DSG3: variants seen among roughly 807,000 people sequenced by gnomAD.
DSG3 encodes desmoglein-3.
Under a neutral mutation model 85.9 loss-of-function variants are expected in DSG3, and 63 were observed. The observed-to-expected ratio is 0.73, with a 90% CI of 0.60 to 0.90. The LOEUF is 0.90. Among genes scored for constraint, DSG3 ranks in the 40% least tolerant of loss-of-function variants. DSG3 has a pLI of 0.00. For missense variants in DSG3, 1,220 were observed against 1,219.9 expected, an observed-to-expected ratio of 1.00 and a Z score of 0.00; for synonymous variants, 447 against 441.9, an observed-to-expected ratio of 1.01 and a Z score of -0.14.
chr18:31,458,239 G>A (rs568360091), intron 3 of DSG3, among the ~76,000 whole-genome samples: 16 of 152,218 alleles, frequency 1.1e-4, no homozygotes, highest in Admixed American at 9.2e-4. Context: ...AATGATTAGT[G>A]CACATCATTG....
intron 9 of DSG3, 95 bp from the exon 10 acceptor site, chr18:31,465,223 A>G (rs1325614192): frequency 1.2e-6 from 1 of 841,798 alleles, no homozygotes; most frequent in Non-Finnish European, 1.6e-6. Context: ...CATATATTAA[A>G]TATGAATATA....
intron 14 of DSG3, 79 bp from the exon 15 acceptor site, chr18:31,474,042 T>C: frequency 7.0e-7 from 1 of 1,423,228 alleles, no homozygotes; most frequent in Non-Finnish European, 9.6e-7. Flanking sequence ...TGACTGCTTA[T>C]AGACACCCAA....
At position 31,458,544 on chromosome 18, in the gene DSG3, A is replaced by G. The variant is rs200254801; in HGVS notation, c.316A>G (p.Thr106Ala). 80 of 1,613,992 alleles carry G rather than the reference A, an allele frequency of 5.0e-5. No homozygotes were observed. The highest frequency in any genetic ancestry group is 6.5e-5 in the Non-Finnish European group (77 of 1,179,980). Residue 106 changes from threonine (T) to alanine (A), a missense_variant, in exon 4 of 16, where the codon ACT (threonine) becomes GCT (alanine). Physicochemically the swap from Thr to Ala is moderately conservative, Grantham distance 58 (BLOSUM62 0). Transcript: ENST00000257189. ...PFGIFVVDKN[T>A]GDINITAIVD... Reference sequence around the variant, plus strand: ...TGGAATCTTTGTTGTTGACAAAAACACTGGAGATATTAACATAACAGCTAT... The same window carrying G: ...TGGAATCTTTGTTGTTGACAAAAACGCTGGAGATATTAACATAACAGCTAT...
At position 31,469,141 on chromosome 18, in the gene DSG3, C is replaced by T. The variant is rs760249697; in HGVS notation, c.1689C>T (p.His563=). ...AACAGATACCTCCTGGAGTATACCA[C>T]ATCTCCCTGGTACTTACAGACAGTC... ...AQEQIPPGVY[H]ISLVLTDSQN... The change falls in exon 12 of 16, where the codon CAC becomes CAT. Residue 563 remains histidine (H), a synonymous_variant. Coordinates refer to ENST00000257189, the MANE Select transcript of DSG3 (RefSeq NM_001944.3). The T allele has an allele frequency of 9.9e-6, 16 of 1,614,212 alleles. No individual in the cohort carries two copies. Among genetic ancestry groups the T allele is most frequent in the Non-Finnish European group, 1.3e-5 (15 of 1,180,046 alleles).
rs755575083 is a variant in DSG3, at chr18:31,475,699, G to A, written c.2439G>A (p.Leu813=). 3.7e-6 allele frequency: 6 copies of A among 1,614,198 alleles called. No individual in the cohort carries two copies. The highest frequency in any genetic ancestry group is 2.2e-5 in the East Asian group (1 of 44,886). The part of the protein sequence containing the change: ...EDDGQEANDC[L]LIYDNEGADA... Reference sequence around the variant, plus strand: ...ATGGCCAGGAAGCAAATGACTGCTTGTTGATCTATGATAATGAAGGCGCAG... The same window carrying A: ...ATGGCCAGGAAGCAAATGACTGCTTATTGATCTATGATAATGAAGGCGCAG... The change falls in exon 16 of 16, where the codon TTG becomes TTA. Residue 813 remains leucine (L), a synonymous_variant. Coordinates refer to ENST00000257189, the MANE Select transcript of DSG3 (RefSeq NM_001944.3).
At chr18:31,467,412 G>A (rs1268427574) in intron 11 of DSG3, among the ~76,000 whole-genome samples, 1 of 152,108 alleles carries the variant, frequency 6.6e-6, no homozygotes, top group Non-Finnish European at 1.5e-5. Context: ...ACATAAACTT[G>A]TTCTGATGGA....
In DSG3 at chr18:31,466,702, G is replaced by A; in HGVS notation, c.1584G>A (p.Leu528=). 6.2e-7 allele frequency: 1 copy of A among 1,614,176 alleles called. No homozygotes were observed. The change falls in exon 11 of 16, where the codon CTG becomes CTA. Residue 528 remains leucine, a synonymous_variant. Coordinates refer to ENST00000257189, the MANE Select transcript of DSG3 (RefSeq NM_001944.3). The stretch of plus-strand genomic sequence containing the variant: ...ACACTGGCCCCTATACATTTGCACT[G>A]GAAGATCAACCTGTAAAGTTGCCTG... ...NRYTGPYTFA[L]EDQPVKLPAV...
At position 31,460,813 on chromosome 18, in the gene DSG3, TA is replaced by T; in HGVS notation, c.685-19del. The T allele has an allele frequency of 6.4e-7, 1 of 1,562,158 alleles. No homozygotes were observed. Among genetic ancestry groups the T allele is most frequent in the African/African-American group, 1.4e-5 (1 of 70,982 alleles). The stretch of plus-strand genomic sequence containing the variant: ...TTCTTTGGGATTAATTATTTTTCTT[TA>T]TTTTTTATCCAAAATTAGCAAGCTA... On this transcript the variant is annotated intron_variant, in intron 6 of 15. Transcript: ENST00000257189.
At position 31,449,545 on chromosome 18, in the gene DSG3, A is replaced by T. The variant is rs1003721723; in HGVS notation, c.48+1620A>T. 4.6e-5 allele frequency among the ~76,000 whole-genome samples: 7 copies of T among 152,246 alleles called. No homozygotes were observed. The South Asian group carries it at 1.2e-3, about 27-fold the overall frequency. ...TCTGGAGTGACTGTGACATCCTTAT[A>T]TTGAGGCTAATTTTTATTTTTATAT... On this transcript the variant is annotated intron_variant, in intron 1 of 15. Coordinates refer to ENST00000257189, the MANE Select transcript of DSG3 (RefSeq NM_001944.3).
chr18:31,457,668 C>T (rs1466676075), intron 3 of DSG3, among the ~76,000 whole-genome samples: 1 of 148,932 alleles, frequency 6.7e-6, no homozygotes, highest in African/African-American at 2.5e-5. Context: ...CACTGTGCCT[C>T]CCAGGCTGGA....
chr18:31,456,979 C>T lies in DSG3; in HGVS notation c.85-14C>T, dbSNP rs1262779680. ...ATTAATTTCCATAACAAATGGAATC[C>T]CTTTTTACATAAGACTAAAGGTCAA... On this transcript the variant is annotated splice_polypyrimidine_tract_variant and intron_variant, in intron 2 of 15. Coordinates refer to ENST00000257189, the MANE Select transcript of DSG3 (RefSeq NM_001944.3). 4 of 1,581,792 alleles carry T rather than the reference C, an allele frequency of 2.5e-6. No homozygotes were observed. The highest frequency in any genetic ancestry group is 2.6e-6 in the Non-Finnish European group (3 of 1,167,390).
intron 3 of DSG3, among the ~76,000 whole-genome samples, chr18:31,457,581 CTTTCTTCTTTCTTTCTTTCTTTCTTTCT>C (rs754398890): frequency 0.11 from 8,663 of 79,436 alleles, 348 homozygotes; most frequent in African/African-American, 0.14. Context: ...TTCTTTCTTT[CTTTCTTCTTTCTTTCTTTCTTTCTTTCT>C]TTCTTTCTTT....
In DSG3 at chr18:31,475,626, C is replaced by T; in HGVS notation, c.2386-20C>T. 1 of 1,594,848 alleles carries T rather than the reference C, an allele frequency of 6.3e-7. No homozygotes were observed. Among genetic ancestry groups the T allele is most frequent in the Non-Finnish European group, 8.5e-7 (1 of 1,173,038 alleles). ...ACTCTTTCTTAAAATTCATTTTTTC[C>T]CACTTTTTCTCTGTCTTAGAAAGCA... On this transcript the variant is annotated intron_variant, in intron 15 of 15. Coordinates refer to ENST00000257189, the MANE Select transcript of DSG3 (RefSeq NM_001944.3).
At position 31,464,499 on chromosome 18, in the gene DSG3, C is replaced by T; in HGVS notation, c.1271+117C>T. The T allele has an allele frequency of 2.6e-6, 3 of 1,143,210 alleles. 1 individual carries two copies. In the South Asian group the frequency reaches 5.4e-5, roughly 21 times the overall value. The allele number at this position is 1,143,210 out of a possible 1,614,324, so 70.8% of individuals were successfully genotyped here. ...ATAGAGATATGACATTGATTAAAAA[C>T]AAGAAACTGGGTAACTCAAAAAGTA... On this transcript the variant is annotated intron_variant, in intron 9 of 15. Coordinates refer to ENST00000257189, the MANE Select transcript of DSG3 (RefSeq NM_001944.3).
In DSG3 at chr18:31,474,384, C is replaced by T. The variant is rs1312929524; in HGVS notation, c.2365C>T (p.Leu789=). ...TGATGGGGCGATAAGCATGAATTTT[C>T]TGGACTCCTACTTTTCTCAGGTAAT... The part of the protein sequence containing the change: ...YADGAISMNF[L]DSYFSQKAFA... Residue 789 remains leucine (L), a synonymous_variant, in exon 15 of 16, where the codon CTG becomes TTG. Transcript: ENST00000257189. 2.5e-6 allele frequency: 4 copies of T among 1,606,176 alleles called. No homozygotes were observed. Among genetic ancestry groups the T allele is most frequent in the African/African-American group, 1.3e-5 (1 of 74,764 alleles).
intron 11 of DSG3, among the ~76,000 whole-genome samples, chr18:31,468,416 G>A (rs1424683065): frequency 1.3e-5 from 2 of 152,214 alleles, no homozygotes; most frequent in Non-Finnish European, 1.5e-5. Flanking sequence ...CAGAAGAGGA[G>A]TACCTGACTC....
Position 31,476,575 on chromosome 18 carries a change from T to C in DSG3, c.*315T>C. The C allele has an allele frequency of 4.1e-6, 1 of 242,468 alleles. No homozygotes were observed. The highest frequency in any genetic ancestry group is 1.1e-4 in the South Asian group (1 of 9,000). 15.0% of individuals were successfully genotyped at this position (242,468 alleles called of 1,614,324 possible). ...TTCCCCTGCCAAAGGAAGGTGTTTA[T>C]CATTTTAAAATGCAATGTGATTTAG... On this transcript the variant is annotated 3_prime_UTR_variant, in exon 16 of 16. Coordinates refer to ENST00000257189, the MANE Select transcript of DSG3 (RefSeq NM_001944.3).
chr18:31,454,369 T>C (rs2072729123), intron 1 of DSG3, among the ~76,000 whole-genome samples: 1 of 152,208 alleles, frequency 6.6e-6, no homozygotes, highest in South Asian at 2.1e-4. Flanking sequence ...GGTACTGCTT[T>C]AAAAAGAGCA....
rs73953166 is a variant in DSG3 at position 31,447,844 on chromosome 18, C to T, written c.-34C>T. 3.1e-3 allele frequency: 4,832 copies of T among 1,572,414 alleles called. 139 individuals are homozygous for T. In the African/African-American group the frequency reaches 0.059, roughly 19 times the overall value. On this transcript the variant is annotated 5_prime_UTR_variant, in exon 1 of 16. Transcript: ENST00000257189. ...GGCTGGCAGGATAGAAGCAGCGGCT[C>T]ACTTGGACTTTTTCACCAGGGAAAT...
Sources: gnomAD v4.1 joint callset for allele counts (sites outside exome capture counted in the v4.1 genomes callset) on GRCh38, gnomAD v4.1.1 for gene constraint, MANE v1.5 for transcripts, NCBI Gene and HGNC (gene_info 2026-07-23, HGNC 2026-07-21) for gene names.